KIF24: variants seen among roughly 807,000 people sequenced by gnomAD.
The protein encoded by KIF24 is kinesin family member 24.
In KIF24, 81 loss-of-function variants were observed where a neutral mutation model predicts 118.9. The ratio of observed to expected loss-of-function variants is 0.68; its 90% CI spans 0.57 to 0.82. KIF24 has a LOEUF of 0.82. KIF24 is among the 40% of genes least tolerant of loss of function. The probability of loss-of-function intolerance (pLI) is 0.00; values close to 1 mark genes in which losing one functional copy is unlikely to be tolerated. For missense variants in KIF24, 1,560 were observed against 1,661.6 expected (o/e 0.94, Z 1.06); for synonymous variants, 599 against 610.0 (o/e 0.98, Z 0.27).
At chr9:34,255,367 G>A (rs773657991) in intron 11 of KIF24, among the ~76,000 whole-genome samples, 3 of 152,116 alleles carry the variant, frequency 2.0e-5, no homozygotes, top group Non-Finnish European at 4.4e-5. Flanking sequence ...GTACCAACGA[G>A]ATACAGGGAG....
intron 6 of KIF24, among the ~76,000 whole-genome samples, chr9:34,280,012 C>T (rs889859008): frequency 1.3e-5 from 2 of 151,718 alleles, no homozygotes; most frequent in African/African-American, 2.4e-5. Context: ...CGGCCGGGCG[C>T]GGTGGCTCAC....
At chr9:34,278,599 G>A (rs1835740452) in intron 6 of KIF24, among the ~76,000 whole-genome samples, 1 of 149,642 alleles carries the variant, frequency 6.7e-6, no homozygotes, top group South Asian at 2.1e-4. Context: ...GAAGGAAGCA[G>A]ATAAGAGAAA....
chr9:34,304,169 G>A (rs562129165), intron 3 of KIF24, among the ~76,000 whole-genome samples: 135 of 152,186 alleles, frequency 8.9e-4, no homozygotes, highest in African/African-American at 3.0e-3. Context: ...TAAAAATAAA[G>A]CCCAAAGAAT....
chr9:34,327,137 T>C (rs2131841722), intron 1 of KIF24, among the ~76,000 whole-genome samples: 1 of 152,272 alleles, frequency 6.6e-6, no homozygotes, highest in East Asian at 1.9e-4. Context: ...CTTGAGACAG[T>C]AACTTGGGAG....
At chr9:34,282,195 C>T (rs962199466) in intron 6 of KIF24, among the ~76,000 whole-genome samples, 6 of 152,146 alleles carry the variant, frequency 3.9e-5, no homozygotes, top group Non-Finnish European at 8.8e-5. Context: ...TAATATTATT[C>T]AGCCACAAAA....
At chr9:34,296,863 T>C (rs1466495267) in intron 4 of KIF24, among the ~76,000 whole-genome samples, 154 bp downstream of exon 4, 1 of 152,198 alleles carries the variant, frequency 6.6e-6, no homozygotes, top group Non-Finnish European at 1.5e-5. Context: ...ATAGAGATAC[T>C]GCATGTTTTC....
chr9:34,262,450 C>T (rs1308919478), intron 9 of KIF24, among the ~76,000 whole-genome samples: 1 of 150,876 alleles, frequency 6.6e-6, no homozygotes, highest in Admixed American at 6.6e-5. Context: ...TTGCATTATC[C>T]TTCTGGTTGC....
At chr9:34,316,952 C>A (rs371602024) in intron 1 of KIF24, among the ~76,000 whole-genome samples, 2 of 151,274 alleles carry the variant, frequency 1.3e-5, no homozygotes, top group East Asian at 3.9e-4. Context: ...CGGTGGCTCA[C>A]GCTTGTAATC....
Position 34,257,889 on chromosome 9 carries a change from C to T in KIF24, c.1718G>A (p.Ser573Asn). 6.2e-7 allele frequency: 1 copy of T among 1,614,002 alleles called. No homozygotes were observed. Among genetic ancestry groups the T allele is most frequent in the Non-Finnish European group, 8.5e-7 (1 of 1,179,876 alleles). Residue 573 changes from serine to asparagine, a missense_variant, in exon 11 of 13, where the codon AGC becomes AAC. Physicochemically the swap from Ser to Asn is conservative, Grantham distance 46. Coordinates refer to ENST00000402558, the MANE Select transcript of KIF24 (RefSeq NM_194313.4). ...SGNSSPKRIQ[S>N]SPGALSEDKC... ...GTCCTCTGACAAAGCCCCAGGGGAG[C>T]TCTGAATTCGTTTTGGAGAGGAGTT...
At position 34,257,165 on chromosome 9, in the gene KIF24, G is replaced by T; in HGVS notation, c.2442C>A (p.Asn814Lys). Residue 814 changes from asparagine (N) to lysine (K), a missense_variant, in exon 11 of 13, where the codon AAC (asparagine) becomes AAA (lysine). Physicochemically the swap from Asn to Lys is moderately conservative, Grantham distance 94 (BLOSUM62 0). Transcript: ENST00000402558. ...GTTCCTCTACTTGGGCTCCATCATG[G>T]TTTTCAGAGTAAGAGTGGAACAGAG... Reference protein sequence around the residue: ...TPPLFHSYSENHDGAQVEELD... With the variant: ...TPPLFHSYSEKHDGAQVEELD... The T allele has an allele frequency of 6.2e-7, 1 of 1,614,038 alleles. No homozygotes were observed. The highest frequency in any genetic ancestry group is 8.5e-7 in the Non-Finnish European group (1 of 1,179,896).
chr9:34,267,927 C>G (rs1305729273), intron 8 of KIF24, among the ~76,000 whole-genome samples: 4 of 152,236 alleles, frequency 2.6e-5, no homozygotes, highest in Middle Eastern at 3.4e-3. Context: ...GCAAATCTTA[C>G]AGGACAAGTG....
intron 5 of KIF24, among the ~76,000 whole-genome samples, chr9:34,287,867 A>G (rs1836107746): frequency 6.6e-6 from 1 of 150,930 alleles, no homozygotes; most frequent in Admixed American, 6.6e-5. Context: ...GTGAATAGTC[A>G]CTATGTTACA....
chr9:34,299,198 T>C (rs578258962), intron 3 of KIF24, among the ~76,000 whole-genome samples: 10 of 152,244 alleles, frequency 6.6e-5, no homozygotes, highest in Admixed American at 2.0e-4. Flanking sequence ...ATTTTTTTTC[T>C]GAGATGGAGT....
chr9:34,297,227 C>T (rs982036095), intron 3 of KIF24, 113 bp from the exon 4 acceptor site: 19 of 597,590 alleles, frequency 3.2e-5, no homozygotes, highest in African/African-American at 5.6e-5. Context: ...CAGTAACTGA[C>T]CATATCAAAC....
intron 6 of KIF24, among the ~76,000 whole-genome samples, chr9:34,281,664 G>A (rs1400745982): frequency 6.6e-6 from 1 of 152,204 alleles, no homozygotes; most frequent in East Asian, 1.9e-4. Flanking sequence ...ATCAGCTAGA[G>A]AGGCTTGAAC....
rs1193969564 is a variant in KIF24, at chr9:34,254,564, G to C, written c.3967-44C>G. ...ACGAATACAGCTTTTGCTCTTGCTG[G>C]CGCTCTGCCAGATCTGCTTTTTCAG... is the stretch of plus-strand genomic sequence containing the variant. On this transcript the variant is annotated intron_variant, in intron 12 of 12. Transcript: ENST00000402558. The C allele has an allele frequency of 3.8e-6, 6 of 1,590,696 alleles. No individual in the cohort carries two copies. In the African/African-American group the frequency reaches 8.1e-5, roughly 21 times the overall value.
At chr9:34,259,257 G>A (rs1478724096) in intron 10 of KIF24, among the ~76,000 whole-genome samples, 6 of 152,218 alleles carry the variant, frequency 3.9e-5, no homozygotes, top group Non-Finnish European at 8.8e-5. Flanking sequence ...GAGGCCAGCA[G>A]GAAGAAAACA....
Position 34,257,369 on chromosome 9 carries a change from G to C in KIF24, c.2238C>G (p.Ala746=). Residue 746 remains alanine, a synonymous_variant, in exon 11 of 13, where the codon GCC becomes GCG. Transcript: ENST00000402558. ...GCGGGATGTTTGTCCAAGCTTCAGA[G>C]GCAGGCCTAGCAGGCGTGCCCCTCT... ...DSQRGTPARP[A]SEAWTNIPPH... is the part of the protein sequence containing the mutation. 6.2e-7 allele frequency: 1 copy of C among 1,614,078 alleles called. No homozygotes were observed. The highest frequency in any genetic ancestry group is 8.5e-7 in the Non-Finnish European group (1 of 1,179,902).
In KIF24 at chr9:34,305,411, C is replaced by T. The variant is rs76869617; in HGVS notation, c.813+841G>A. 3.2e-3 allele frequency among the ~76,000 whole-genome samples: 487 copies of T among 152,214 alleles called. 4 individuals are homozygous for T. Among genetic ancestry groups the T allele is most frequent in the Admixed American group, 5.7e-3 (87 of 15,278 alleles). Reference sequence around the variant, plus strand: ...AGACAGCTGAGAATCAAAATAAGCACGTGGCTGGCAATTGTCGGTCCTGTT... The same window carrying T: ...AGACAGCTGAGAATCAAAATAAGCATGTGGCTGGCAATTGTCGGTCCTGTT... On this transcript the variant is annotated intron_variant, in intron 3 of 12. Transcript: ENST00000402558.
Sources: gnomAD v4.1 joint callset for allele counts (sites outside exome capture counted in the v4.1 genomes callset) on GRCh38, gnomAD v4.1.1 for gene constraint, MANE v1.5 for transcripts, NCBI Gene and HGNC (gene_info 2026-07-23, HGNC 2026-07-21) for gene names.